THADA: variants seen among roughly 807,000 people sequenced by gnomAD.
THADA encodes THADA armadillo repeat containing.
Under a neutral mutation model 219.8 loss-of-function variants are expected in THADA, and 213 were observed. The observed-to-expected ratio is 0.97, with a 90% confidence interval of 0.87 to 1.09. The LOEUF (loss-of-function observed/expected upper bound fraction) is 1.09. Ranked by LOEUF, THADA falls within the 50% of genes least tolerant of loss-of-function variation. The pLI is 0.00. For missense variants in THADA, 2,956 were observed against 2,311.3 expected (o/e 1.28, Z -5.72); for synonymous variants, 1,018 against 828.9 (o/e 1.23, Z -3.92).
chr2:43,418,359 T>A (rs2104781643), intron 28 of THADA, among the ~76,000 whole-genome samples: 1 of 152,306 alleles, frequency 6.6e-6, no homozygotes, highest in East Asian at 1.9e-4. Context: ...AGTGATTTTT[T>A]AAACCAATGC....
chr2:43,378,269 T>C (rs1253400101), intron 29 of THADA, among the ~76,000 whole-genome samples: 1 of 152,052 alleles, frequency 6.6e-6, no homozygotes, highest in East Asian at 1.9e-4. Flanking sequence ...GAAAATGGAA[T>C]CAGTGAACTA....
At position 43,486,458 on chromosome 2, in the gene THADA, C is replaced by CT. The variant is rs1686931248; in HGVS notation, c.3745-1134dup. ...TCACCTTGCTACAGTGTGTAAGGCC[C>CT]TATACCAGCACCATGGATAAGATCC... On this transcript the variant is annotated intron_variant, in intron 25 of 37. Coordinates refer to ENST00000405975, the MANE Select transcript of THADA (RefSeq NM_022065.5). 2 of 152,148 alleles carry CT rather than the reference C, an allele frequency of 1.3e-5. 1 individual carries two copies. Among genetic ancestry groups the CT allele is most frequent in the South Asian group, 4.1e-4 (2 of 4,822 alleles). 9.4% of individuals were successfully genotyped at this position (152,148 alleles called of 1,614,324 possible).
At chr2:43,481,007 T>G (rs1393962923) in intron 26 of THADA, among the ~76,000 whole-genome samples, 1 of 152,196 alleles carries the variant, frequency 6.6e-6, no homozygotes, top group East Asian at 1.9e-4. Context: ...GCTTTCAATT[T>G]TAGTTTTGAG....
intron 30 of THADA, among the ~76,000 whole-genome samples, chr2:43,340,177 G>T (rs1666921035): frequency 6.6e-6 from 1 of 152,130 alleles, no homozygotes. Context: ...GAGGAAAACA[G>T]GAAGGAAAGG....
intron 11 of THADA, 138 bp downstream of exon 11, chr2:43,574,198 G>T: frequency 2.9e-6 from 2 of 698,142 alleles, no homozygotes; most frequent in Admixed American, 3.4e-5. Context: ...GTTTCAAACT[G>T]AAACATCTAT....
chr2:43,369,215 T>C (rs1161322362), intron 29 of THADA, among the ~76,000 whole-genome samples: 3 of 152,242 alleles, frequency 2.0e-5, no homozygotes, highest in Non-Finnish European at 2.9e-5. Flanking sequence ...TCCCGTTGTG[T>C]CTGCCAAGCT....
rs1678576365 is a variant in THADA at position 43,320,490 on chromosome 2, A to T, written c.4394T>A (p.Leu1465Gln). ...TRAVYIDILF[L>Q]LTCCLNRSAK... is the part of the protein sequence containing the mutation. ...AGATCTGTTGAGGCAGCAAGTCAAT[A>T]GGAAGAGAATATCAATATATACAGC... Residue 1465 changes from leucine to glutamine, a missense_variant, in exon 31 of 38, where the codon CTA becomes CAA. Physicochemically the swap from Leu to Gln is moderately radical, Grantham distance 113 (BLOSUM62 -2). Coordinates refer to ENST00000405975, the MANE Select transcript of THADA (RefSeq NM_022065.5). The T allele has an allele frequency of 6.2e-7, 1 of 1,613,650 alleles. No individual in the cohort carries two copies. Among genetic ancestry groups the T allele is most frequent in the Non-Finnish European group, 8.5e-7 (1 of 1,179,764 alleles).
chr2:43,328,619 G>C (rs1679606074), intron 30 of THADA, among the ~76,000 whole-genome samples: 1 of 152,244 alleles, frequency 6.6e-6, no homozygotes, highest in Admixed American at 6.5e-5. Flanking sequence ...TGAAGGTCCA[G>C]CTATGCATTG....
At chr2:43,586,196 T>C (rs967978933) in intron 7 of THADA, among the ~76,000 whole-genome samples, 3 of 151,832 alleles carry the variant, frequency 2.0e-5, no homozygotes, top group African/African-American at 7.3e-5. Context: ...GCCCAGGAGG[T>C]TGAGGCTGCA....
At chr2:43,592,697 T>C in intron 1 of THADA, 1 of 231,910 alleles carries the variant, frequency 4.3e-6, no homozygotes, top group Non-Finnish European at 8.3e-6. Context: ...AAAAATGTTT[T>C]AAGCTGAAGC....
At chr2:43,410,348 A>C (rs1197583160) in intron 28 of THADA, among the ~76,000 whole-genome samples, 2 of 152,206 alleles carry the variant, frequency 1.3e-5, no homozygotes, top group African/African-American at 4.8e-5. Context: ...CAAGTTAAAT[A>C]TATACTCACC....
rs372423443 is a variant in THADA at position 43,569,748 on chromosome 2, G to A, written c.2187+640C>T. ...TAAGCTGTCTTCTGTCTGGGCCTGA[G>A]GAGCAAAAAAGGGTCTGCTTCTCAA... is the stretch of plus-strand genomic sequence containing the variant. On this transcript the variant is annotated intron_variant, in intron 14 of 37. Coordinates refer to ENST00000405975, the MANE Select transcript of THADA (RefSeq NM_022065.5). Among the ~76,000 whole-genome samples the A allele has an allele frequency of 1.1e-4, 17 of 152,018 alleles. No homozygotes were observed. In the South Asian group the frequency reaches 3.1e-3, roughly 28 times the overall value.
chr2:43,492,393 T>A (rs1687751772), intron 25 of THADA: 1 of 152,118 alleles, frequency 6.6e-6, no homozygotes, highest in South Asian at 2.1e-4. Context: ...TGTGCACATG[T>A]ATATATGTGT....
At chr2:43,523,399 C>A (rs1159919304) in intron 22 of THADA, among the ~76,000 whole-genome samples, 1 of 152,106 alleles carries the variant, frequency 6.6e-6, no homozygotes, top group African/African-American at 2.4e-5. Flanking sequence ...AAAGTTTACA[C>A]AAGATTGTAT....
Position 43,458,984 on chromosome 2 carries a change from C to T in THADA, c.3836+26250G>A, listed in dbSNP as rs142626732. 7.2e-5 allele frequency among the ~76,000 whole-genome samples: 11 copies of T among 152,252 alleles called. No homozygotes were observed. The East Asian group carries it at 2.1e-3, about 29-fold the overall frequency. ...TTGCTGGTTCACAAAACAGAAAAGTCTAGGTACCACTTGTCTTGTCTACAT... is the reference window on the plus strand; with the variant it reads ...TTGCTGGTTCACAAAACAGAAAAGTTTAGGTACCACTTGTCTTGTCTACAT... On this transcript the variant is annotated intron_variant, in intron 26 of 37. Coordinates refer to ENST00000405975, the MANE Select transcript of THADA (RefSeq NM_022065.5).
At chr2:43,363,355 C>A (rs1365194423) in intron 29 of THADA, among the ~76,000 whole-genome samples, 1 of 152,194 alleles carries the variant, frequency 6.6e-6, no homozygotes. Flanking sequence ...CCATTATAAT[C>A]TTATGGGACC....
In THADA at chr2:43,556,501, T is replaced by C. The variant is rs200865103; in HGVS notation, c.2518A>G (p.Thr840Ala). The C allele has an allele frequency of 1.4e-5, 22 of 1,613,800 alleles. No individual in the cohort carries two copies. The African/African-American group carries it at 2.9e-4, about 22-fold the overall frequency. The change falls in exon 17 of 38, where the codon ACC becomes GCC. Residue 840 changes from threonine to alanine, a missense_variant. Physicochemically the swap from Thr to Ala is moderately conservative, Grantham distance 58. Transcript: ENST00000405975. ...GCTGTCACACAGTCGTATGGTTTGG[T>C]GCTTGTGCTGAGCTCCAATGCTGCC... ...FQAALELSTS[T>A]KPYDCVTASY...
intron 36 of THADA, among the ~76,000 whole-genome samples, chr2:43,250,288 T>G (rs903410880): frequency 6.6e-6 from 1 of 152,126 alleles, no homozygotes; most frequent in African/African-American, 2.4e-5. Context: ...TTATGTCTAA[T>G]GAAAATAGCC....
At chr2:43,272,375 A>T (rs977979620) in intron 36 of THADA, among the ~76,000 whole-genome samples, 8 of 152,228 alleles carry the variant, frequency 5.3e-5, no homozygotes, top group African/African-American at 1.9e-4. Context: ...ACGAACAAAA[A>T]TAGAGGCAGG....
Sources: gnomAD v4.1 joint callset for allele counts (sites outside exome capture counted in the v4.1 genomes callset) on GRCh38, gnomAD v4.1.1 for gene constraint, MANE v1.5 for transcripts, NCBI Gene and HGNC (gene_info 2026-07-23, HGNC 2026-07-21) for gene names.